The following SETD5 variants were observed in gnomAD, a reference collection of about 807,000 sequenced individuals.
The protein encoded by SETD5 is SET domain containing 5.
A neutral mutation model predicts 153.3 loss-of-function variants in SETD5; 44 were observed. That is an observed-to-expected ratio of 0.29 (90% CI 0.23 to 0.37). The LOEUF (loss-of-function observed/expected upper bound fraction) is 0.37, where lower values mean the gene tolerates loss of function less well. Ranked by LOEUF, SETD5 falls within the 10% of genes least tolerant of loss-of-function variation. The pLI is 1.00. For synonymous variants in SETD5, 716 were observed against 645.2 expected (o/e 1.11, Z -1.66); for missense variants, 1,544 against 1,768.0 (o/e 0.87, Z 2.27).
intron 16 of SETD5, among the ~76,000 whole-genome samples, chr3:9,450,828 A>T (rs2042541310): frequency 6.6e-6 from 1 of 152,194 alleles, no homozygotes; most frequent in Non-Finnish European, 1.5e-5. Context: ...TATAGGACAA[A>T]TTAAAGTTGT....
chr3:9,431,600 T>A, intron 3 of SETD5: 2 of 985,738 alleles, frequency 2.0e-6, no homozygotes, highest in Non-Finnish European at 2.4e-6. Flanking sequence ...TTAAATTTTA[T>A]ATTTGGCATG....
intron 16 of SETD5, among the ~76,000 whole-genome samples, 195 bp downstream of exon 16, chr3:9,448,825 A>G (rs1333718884): frequency 6.6e-6 from 1 of 152,220 alleles, no homozygotes; most frequent in East Asian, 1.9e-4. Flanking sequence ...GGTGGAATGA[A>G]TGTACTGCAT....
At chr3:9,462,114 C>T (rs1295358342) in intron 17 of SETD5, among the ~76,000 whole-genome samples, 1 of 152,164 alleles carries the variant, frequency 6.6e-6, no homozygotes, top group Non-Finnish European at 1.5e-5. Flanking sequence ...TTTAGTGCCT[C>T]ATAATTCTTT....
chr3:9,425,086 A>T (rs2038979410), intron 2 of SETD5, among the ~76,000 whole-genome samples: 1 of 105,550 alleles, frequency 9.5e-6, no homozygotes. Flanking sequence ...TTTGAGACAG[A>T]GTATCATTCT....
intron 16 of SETD5, 40 bp downstream of exon 16, chr3:9,448,670 G>T (rs997674950): frequency 6.9e-7 from 1 of 1,454,444 alleles, no homozygotes; most frequent in South Asian, 1.5e-5. Context: ...GTTTATGTGT[G>T]TGTGCTTTAT....
rs1289392703 is a variant in SETD5, at chr3:9,445,962, GTTGTTTTTTT to G, written c.1524+225_1524+234del. ...TATTATCTAGTGATGGTTTGAAGAG[GTTGTTTTTTT>G]TTTTTTTTTTTTTTTTACTAACAAT... On this transcript the variant is annotated intron_variant, in intron 13 of 22. Transcript: ENST00000402198. Among the ~76,000 whole-genome samples, 138 of 120,244 alleles carry G rather than the reference GTTGTTTTTTT, an allele frequency of 1.1e-3. 6 individuals are homozygous for G. The highest frequency in any genetic ancestry group is 4.5e-3 in the African/African-American group (128 of 28,638). The allele number at this position is 120,244 out of a possible 152,430, so 78.9% of individuals were successfully genotyped here. A position where few individuals can be genotyped will look rare whatever the true frequency, so the allele number is the denominator to read the frequency against.
intron 1 of SETD5, among the ~76,000 whole-genome samples, chr3:9,411,378 T>C (rs2036545712): frequency 6.6e-6 from 1 of 152,228 alleles, no homozygotes; most frequent in Non-Finnish European, 1.5e-5. Flanking sequence ...ATTAAAACTT[T>C]AAAAGTCTTG....
At position 9,434,418 on chromosome 3, in the gene SETD5, A is replaced by G; in HGVS notation, c.262A>G (p.Thr88Ala). 1 of 1,613,946 alleles carries G rather than the reference A, an allele frequency of 6.2e-7. No homozygotes were observed. Residue 88 changes from threonine (T) to alanine (A), a missense_variant, in exon 5 of 23, where the codon ACT (threonine) becomes GCT (alanine). By Grantham distance (58) the Thr-to-Ala change is moderately conservative. Coordinates refer to ENST00000402198, the MANE Select transcript of SETD5 (RefSeq NM_001080517.3). This position sits in a 1 kb window ranked among gnomAD's most constrained non-coding sequence, Gnocchi z 5.6. ...AGACAGCCCGAACTCTGAAGGAGAA[A>G]CTGTACCTACCTGGTGTCCTTGTGG... Reference protein sequence around the residue: ...CGDSPNSEGETVPTWCPCGLS... With the variant: ...CGDSPNSEGEAVPTWCPCGLS...
intron 16 of SETD5, among the ~76,000 whole-genome samples, chr3:9,451,433 C>T (rs2042615121): frequency 1.3e-5 from 2 of 152,156 alleles, no homozygotes; most frequent in African/African-American, 2.4e-5. Flanking sequence ...ATAAGTGACA[C>T]AGCCAGATTT....
chr3:9,464,127 CATAA>C (rs548866703), intron 17 of SETD5, among the ~76,000 whole-genome samples: 6 of 151,866 alleles, frequency 4.0e-5, no homozygotes, highest in East Asian at 1.9e-4. Context: ...GGCTCTGTCT[CATAA>C]ATAAATAAAT....
intron 1 of SETD5, among the ~76,000 whole-genome samples, chr3:9,406,636 A>G (rs1380495720): frequency 1.3e-5 from 2 of 151,754 alleles, no homozygotes; most frequent in Non-Finnish European, 2.9e-5. Flanking sequence ...AGATCTGAGG[A>G]AAATGTAAGA....
intron 18 of SETD5, among the ~76,000 whole-genome samples, chr3:9,467,199 CAAAAAAAAAA>C (rs35894304): frequency 2.4e-5 from 1 of 40,860 alleles, no homozygotes; most frequent in Admixed American, 3.0e-4. Flanking sequence ...GACTCTCTCT[CAAAAAAAAAA>C]AAAAAAAAAA....
chr3:9,462,980 T>A (rs189134269), intron 17 of SETD5, among the ~76,000 whole-genome samples: 1 of 152,208 alleles, frequency 6.6e-6, no homozygotes, highest in Non-Finnish European at 1.5e-5. Context: ...TCACCTTTCT[T>A]GATCATGCTA....
intron 1 of SETD5, among the ~76,000 whole-genome samples, chr3:9,420,238 G>C (rs1223432934): frequency 6.6e-6 from 1 of 151,872 alleles, no homozygotes; most frequent in East Asian, 1.9e-4. Flanking sequence ...ACAATATTTA[G>C]ATAATAATAA....
In SETD5 at chr3:9,447,938, C is replaced by T; in HGVS notation, c.2035C>T (p.Pro679Ser). 6.2e-7 allele frequency: 1 copy of T among 1,613,900 alleles called. No individual in the cohort carries two copies. Among genetic ancestry groups the T allele is most frequent in the Middle Eastern group, 1.6e-4 (1 of 6,062 alleles). ...GENRPLTGSD[P>S]TVVSITGSHV... ...AAACAGGCCATTAACAGGGTCTGAC[C>T]CAACTGTGGTGTCAATTACTGGATC... Residue 679 changes from proline (P) to serine (S), a missense_variant, in exon 15 of 23, where the codon CCA (proline) becomes TCA (serine). Coordinates refer to ENST00000402198, the MANE Select transcript of SETD5 (RefSeq NM_001080517.3).
chr3:9,443,448 A>G, intron 11 of SETD5, 31 bp downstream of exon 11: 1 of 1,205,292 alleles, frequency 8.3e-7, no homozygotes, highest in Non-Finnish European at 1.1e-6. Context: ...CCTAACAGGA[A>G]TATCCATGTC....
chr3:9,408,754 G>A (rs2036110741), intron 1 of SETD5, among the ~76,000 whole-genome samples: 1 of 152,040 alleles, frequency 6.6e-6, no homozygotes, highest in Non-Finnish European at 1.5e-5. Flanking sequence ...GTTATTCATT[G>A]CCTAGATCAA....
At chr3:9,425,214 A>G (rs910565915) in intron 2 of SETD5, among the ~76,000 whole-genome samples, 1 of 151,936 alleles carries the variant, frequency 6.6e-6, no homozygotes, top group East Asian at 1.9e-4. Flanking sequence ...GGCGTCCGCC[A>G]TCGTGCCCGG....
intron 11 of SETD5, 72 bp from the exon 12 acceptor site, chr3:9,444,976 G>T (rs1178873937): frequency 2.4e-5 from 37 of 1,544,256 alleles, no homozygotes; most frequent in Non-Finnish European, 3.0e-5. Context: ...GATATTTTAA[G>T]AGGGTGAATG....
Sources: gnomAD v4.1 joint callset for allele counts (sites outside exome capture counted in the v4.1 genomes callset) on GRCh38, gnomAD v4.1.1 for gene constraint, Gnocchi (gnomAD v3.1) non-coding constraint, MANE v1.5 for transcripts, NCBI Gene and HGNC (gene_info 2026-07-23, HGNC 2026-07-21) for gene names.